Variants in SETD2 observed in about 807,000 individuals in gnomAD.
SETD2 encodes the protein histone-lysine N-methyltransferase SETD2.
A neutral mutation model predicts 242.1 loss-of-function variants in SETD2; 31 were observed. The ratio of observed to expected loss-of-function variants is 0.13; its 90% CI spans 0.10 to 0.17. The LOEUF (loss-of-function observed/expected upper bound fraction) is 0.17, where lower values mean the gene tolerates loss of function less well. Among genes scored for constraint, SETD2 ranks in the 10% least tolerant of loss-of-function variants. The probability of loss-of-function intolerance (pLI) is 1.00; values close to 1 mark genes in which losing one functional copy is unlikely to be tolerated. For missense variants in SETD2, 2,481 were observed against 3,046.3 expected (o/e 0.81, Z 4.37); for synonymous variants, 1,006 against 1,066.5 (o/e 0.94, Z 1.11).
intron 12 of SETD2, among the ~76,000 whole-genome samples, chr3:47,073,116 A>C (rs925580182): frequency 7.3e-5 from 11 of 150,252 alleles, no homozygotes; most frequent in Non-Finnish European, 1.6e-4. Flanking sequence ...GCACCACTGC[A>C]CTCTAGCCTG....
At chr3:47,136,771 T>C (rs1019594282) in intron 1 of SETD2, among the ~76,000 whole-genome samples, 1 of 152,058 alleles carries the variant, frequency 6.6e-6, no homozygotes, top group Non-Finnish European at 1.5e-5. Context: ...CTGGCCAACA[T>C]GTCAAAACCC....
chr3:47,040,425 G>A (rs2039226503), intron 17 of SETD2, among the ~76,000 whole-genome samples: 3 of 152,038 alleles, frequency 2.0e-5, no homozygotes, highest in African/African-American at 7.2e-5. Flanking sequence ...ATGGGTAGAT[G>A]GCCCACACAA....
chr3:47,158,149 T>G (rs148646385), intron 1 of SETD2, among the ~76,000 whole-genome samples: 36 of 152,316 alleles, frequency 2.4e-4, no homozygotes, highest in African/African-American at 7.9e-4. Context: ...TCTAATATTT[T>G]TTAATGCATA....
chr3:47,092,642 T>C (rs529500248), intron 9 of SETD2, among the ~76,000 whole-genome samples: 4 of 151,988 alleles, frequency 2.6e-5, no homozygotes, highest in Admixed American at 2.6e-4. Flanking sequence ...TGCAAGATAC[T>C]ATTTTTTAAT....
At chr3:47,021,825 C>A (rs929370610) in intron 18 of SETD2, among the ~76,000 whole-genome samples, 1 of 152,054 alleles carries the variant, frequency 6.6e-6, no homozygotes. Context: ...ACCTTAGGAC[C>A]CCCCACTCCA....
At chr3:47,074,402 G>A (rs915425958) in intron 12 of SETD2, among the ~76,000 whole-genome samples, 2 of 152,132 alleles carry the variant, frequency 1.3e-5, no homozygotes, top group Non-Finnish European at 2.9e-5. Flanking sequence ...AACTAAAAAA[G>A]AAGAAGAAAA....
intron 1 of SETD2, among the ~76,000 whole-genome samples, chr3:47,144,430 AGAGC>A (rs1267256120): frequency 5.3e-5 from 8 of 151,714 alleles, no homozygotes; most frequent in African/African-American, 1.9e-4. Context: ...CGAGGTCAAG[AGAGC>A]GAGACCATCC....
chr3:47,129,816 G>A (rs2043435108), intron 1 of SETD2, among the ~76,000 whole-genome samples: 2 of 151,894 alleles, frequency 1.3e-5, no homozygotes, highest in South Asian at 2.1e-4. Context: ...ACCGGGAAGC[G>A]GAGGTTGCAG....
intron 1 of SETD2, among the ~76,000 whole-genome samples, chr3:47,156,322 C>A (rs868320609): frequency 3.7e-4 from 57 of 152,044 alleles, no homozygotes; most frequent in African/African-American, 1.3e-3. Context: ...TGAAAAATGA[C>A]TGAGAAGATC....
At chr3:47,044,344 C>CAAAAAAAAAAAAAAAAAAAAA (rs59408277) in intron 16 of SETD2, among the ~76,000 whole-genome samples, 8 of 33,948 alleles carry the variant, frequency 2.4e-4, no homozygotes, top group East Asian at 1.3e-3. Flanking sequence ...GACTTCATCT[C>CAAAAAAAAAAAAAAAAAAAAA]AAAAAAAAAA....
At chr3:47,119,985 G>T (rs542237579) in intron 3 of SETD2, among the ~76,000 whole-genome samples, 197 bp downstream of exon 3, 1 of 152,068 alleles carries the variant, frequency 6.6e-6, no homozygotes, top group East Asian at 1.9e-4. Context: ...CCTGGGGATG[G>T]GGCGGCGGGG....
intron 1 of SETD2, among the ~76,000 whole-genome samples, chr3:47,158,563 T>A (rs938497152): frequency 3.3e-5 from 5 of 152,248 alleles, no homozygotes; most frequent in African/African-American, 9.6e-5. Flanking sequence ...ATGATTTTCT[T>A]AATAACATTT....
chr3:47,019,708 G>A, intron 19 of SETD2, 52 bp downstream of exon 19: 8 of 1,438,180 alleles, frequency 5.6e-6, no homozygotes, highest in Non-Finnish European at 7.8e-6. Context: ...AGAAATGAAA[G>A]GGTTCAGATT....
rs201984344 is a variant in SETD2, at chr3:47,123,221, C to A, written c.1415G>T (p.Arg472Leu). The A allele has an allele frequency of 2.6e-6, 4 of 1,566,438 alleles. No homozygotes were observed. The highest frequency in any genetic ancestry group is 3.5e-6 in the Non-Finnish European group (4 of 1,153,566). ...GTAAGAAGAGGAATGAGATGAGGTA[C>A]GCCTTGAGTATGTCTTCTTATACTC... ...EEEYKKTYSRRTSSHSSSYRD... is the reference protein window; with the variant it reads ...EEEYKKTYSRLTSSHSSSYRD... The change falls in exon 3 of 21, where the codon CGT becomes CTT. Residue 472 changes from arginine to leucine, a missense_variant. By Grantham distance (102) the Arg-to-Leu change is moderately radical. This residue lies in a region of SETD2 where 1,300 missense variants were observed against 1,259.2 expected (regional missense o/e 1.03). Transcript: ENST00000409792.
intron 16 of SETD2, among the ~76,000 whole-genome samples, chr3:47,043,591 C>T (rs1006868011): frequency 6.6e-5 from 10 of 152,156 alleles, no homozygotes; most frequent in African/African-American, 2.4e-4. Flanking sequence ...TTCTTTCAAG[C>T]CTATTAATGA....
At chr3:47,160,993 G>A (rs1232519701) in intron 1 of SETD2, among the ~76,000 whole-genome samples, 1 of 152,190 alleles carries the variant, frequency 6.6e-6, no homozygotes, top group East Asian at 1.9e-4. Flanking sequence ...GACAAACCCA[G>A]AACATCAGAC....
chr3:47,018,435 A>G (rs2038074042), intron 19 of SETD2, among the ~76,000 whole-genome samples: 1 of 152,184 alleles, frequency 6.6e-6, no homozygotes, highest in South Asian at 2.1e-4. Flanking sequence ...CCATTTCATC[A>G]GAGAGCACTT....
In SETD2 at chr3:47,016,996, A is replaced by G. The variant is rs996665069; in HGVS notation, c.*97T>C. Reference sequence around the variant, plus strand: ...CCCAGGGTGATGTATCATCAGTAGCACAGTGCTGACAGGGGTGGGACAGAA... The same window carrying G: ...CCCAGGGTGATGTATCATCAGTAGCGCAGTGCTGACAGGGGTGGGACAGAA... On this transcript the variant is annotated 3_prime_UTR_variant, in exon 21 of 21. Transcript: ENST00000409792. 12 of 1,195,386 alleles carry G rather than the reference A, an allele frequency of 1.0e-5. No individual in the cohort carries two copies. The highest frequency in any genetic ancestry group is 1.2e-5 in the Non-Finnish European group (10 of 818,192). 74.0% of individuals were successfully genotyped at this position (1,195,386 alleles called of 1,614,324 possible). A position where few individuals can be genotyped will look rare whatever the true frequency, so the allele number is the denominator to read the frequency against.
At chr3:47,109,680 T>C (rs556774651) in intron 5 of SETD2, among the ~76,000 whole-genome samples, 1 of 151,908 alleles carries the variant, frequency 6.6e-6, no homozygotes, top group Admixed American at 6.6e-5. Flanking sequence ...AGGGGAAAGA[T>C]GGCTTCTAAA....
Sources: allele counts gnomAD v4.1 joint callset (sites outside exome capture counted in the v4.1 genomes callset), GRCh38; gene constraint gnomAD v4.1.1; regional missense constraint gnomAD v4.1.1; transcripts MANE v1.5; gene names NCBI Gene and HGNC (gene_info 2026-07-23, HGNC 2026-07-21).